The following SPAST variants were observed in gnomAD, a reference collection of about 807,000 sequenced individuals.
SPAST encodes spastic paraplegia 4 (autosomal dominant; spastin).
In SPAST, 30 loss-of-function variants were observed where a neutral mutation model predicts 76.6. The ratio of observed to expected loss-of-function variants is 0.39; its 90% confidence interval spans 0.29 to 0.53. The LOEUF is 0.53. Ranked by LOEUF, SPAST falls within the 20% of genes least tolerant of loss-of-function variation. The pLI, the probability that SPAST is intolerant of heterozygous loss-of-function variation, is 0.68. For synonymous variants in SPAST, 305 were observed against 281.0 expected (o/e 1.09, Z -0.86); for missense variants, 717 against 770.5 (o/e 0.93, Z 0.82).
intron 4 of SPAST, among the ~76,000 whole-genome samples, chr2:32,105,338 T>C (rs1337272334): frequency 6.6e-6 from 1 of 152,218 alleles, no homozygotes; most frequent in African/African-American, 2.4e-5. Context: ...CTGTTTATTC[T>C]AGTTAGCCAT....
chr2:32,152,731 T>TG (rs903279485), intron 16 of SPAST, among the ~76,000 whole-genome samples: 1 of 150,658 alleles, frequency 6.6e-6, no homozygotes, highest in Non-Finnish European at 1.5e-5. Flanking sequence ...TTTTCTTTGG[T>TG]GGGGGGTTGC....
chr2:32,079,003 A>AATTTTT (rs1677089495), intron 1 of SPAST, among the ~76,000 whole-genome samples: 1 of 151,948 alleles, frequency 6.6e-6, no homozygotes, highest in Admixed American at 6.6e-5. Flanking sequence ...ACGCCCGGCT[A>AATTTTT]ATTTTTATTT....
chr2:32,094,005 A>G (rs1172429986), intron 3 of SPAST, among the ~76,000 whole-genome samples: 1 of 152,184 alleles, frequency 6.6e-6, no homozygotes, highest in Non-Finnish European at 1.5e-5. Flanking sequence ...ACCAGTCAGT[A>G]TTAGGAATTC....
chr2:32,083,762 A>ATTTTTT (rs1677350861), intron 1 of SPAST, among the ~76,000 whole-genome samples: 1 of 43,018 alleles, frequency 2.3e-5, no homozygotes, highest in East Asian at 5.9e-4. Context: ...ATATATATAT[A>ATTTTTT]TATATATATA....
In SPAST at chr2:32,143,317, A is replaced by T; in HGVS notation, c.1537-19A>T. Reference sequence around the variant, plus strand: ...AATTCTGAAATTAGACTGAATGATCATTTTTTAATATTTTTCAGACAAGAC... The same window carrying T: ...AATTCTGAAATTAGACTGAATGATCTTTTTTTAATATTTTTCAGACAAGAC... On this transcript the variant is annotated intron_variant, in intron 13 of 16. Coordinates refer to ENST00000315285, the MANE Select transcript of SPAST (RefSeq NM_014946.4). The T allele has an allele frequency of 7.4e-7, 1 of 1,353,262 alleles. No homozygotes were observed. The highest frequency in any genetic ancestry group is 1.1e-6 in the Non-Finnish European group (1 of 945,878). 83.8% of individuals were successfully genotyped at this position (1,353,262 alleles called of 1,614,324 possible).
At position 32,137,305 on chromosome 2, in the gene SPAST, C is replaced by T. The variant is rs574277245; in HGVS notation, c.1493+117C>T. On this transcript the variant is annotated intron_variant, in intron 12 of 16. Transcript: ENST00000315285. ...TAAGACTAAATTCACTATTTTCTTC[C>T]AGTACTATCTCTAGCCTCTTGTTAC... 31 of 867,494 alleles carry T rather than the reference C, an allele frequency of 3.6e-5. No homozygotes were observed. In the Admixed American group the frequency reaches 4.0e-4, roughly 11 times the overall value. 53.7% of individuals were successfully genotyped at this position (867,494 alleles called of 1,614,324 possible).
intron 4 of SPAST, among the ~76,000 whole-genome samples, chr2:32,099,891 A>G (rs1678055338): frequency 6.6e-6 from 1 of 152,030 alleles, no homozygotes; most frequent in Non-Finnish European, 1.5e-5. Flanking sequence ...TATATACCAC[A>G]TTTTCTTTAT....
chr2:32,144,155 C>CT (rs1270667639), intron 14 of SPAST, among the ~76,000 whole-genome samples: 3 of 152,112 alleles, frequency 2.0e-5, no homozygotes, highest in African/African-American at 7.2e-5. Flanking sequence ...AACAAGAACT[C>CT]TGAGTTCCCA....
intron 3 of SPAST, among the ~76,000 whole-genome samples, chr2:32,094,595 G>A (rs1426386689): frequency 6.6e-6 from 1 of 152,218 alleles, no homozygotes; most frequent in African/African-American, 2.4e-5. Context: ...GAGAGGGATT[G>A]TCACAACACG....
chr2:32,124,623 CA>C (rs1461216849), intron 7 of SPAST, among the ~76,000 whole-genome samples: 2 of 151,842 alleles, frequency 1.3e-5, no homozygotes, highest in Non-Finnish European at 2.9e-5. Context: ...TCATAGTTGC[CA>C]AAACTTGGAA....
chr2:32,110,846 A>G (rs1471897703), intron 4 of SPAST, among the ~76,000 whole-genome samples: 1 of 111,992 alleles, frequency 8.9e-6, no homozygotes, highest in South Asian at 3.0e-4. Context: ...TATACTATAT[A>G]GTATATAGAG....
chr2:32,068,546 A>G (rs1314241833), intron 1 of SPAST, among the ~76,000 whole-genome samples: 1 of 148,480 alleles, frequency 6.7e-6, no homozygotes, highest in South Asian at 2.1e-4. Flanking sequence ...CTGTTCTCGA[A>G]CTCCTGGCCT....
intron 4 of SPAST, among the ~76,000 whole-genome samples, chr2:32,101,158 T>A (rs2148719608): frequency 6.6e-6 from 1 of 152,186 alleles, no homozygotes. Context: ...CCATTCTAAC[T>A]GGTGTGAGAC....
chr2:32,148,672 G>C (rs754052287), intron 16 of SPAST, among the ~76,000 whole-genome samples: 2 of 152,094 alleles, frequency 1.3e-5, no homozygotes, highest in East Asian at 1.9e-4. Context: ...TTACCGGGGC[G>C]TGGTGGCGGG....
Position 32,108,758 on chromosome 2 carries a change from C to CTTTTTTTT in SPAST, c.683-5862_683-5855dup, listed in dbSNP as rs71407413. 7.4e-4 allele frequency among the ~76,000 whole-genome samples: 55 copies of CTTTTTTTT among 73,900 alleles called. 1 individual carries two copies. The highest frequency in any genetic ancestry group is 1.1e-3 in the East Asian group (2 of 1,848). The allele number at this position is 73,900 out of a possible 152,430, so 48.5% of individuals were successfully genotyped here. A position where few individuals can be genotyped will look rare whatever the true frequency, so the allele number is the denominator to read the frequency against. ...GAGCTACTGTGCCTGGCTGGTATAG[C>CTTTTTTTT]TTTTTTTTTTTTTTTTTTTTTTTTT... On this transcript the variant is annotated intron_variant, in intron 4 of 16. Transcript: ENST00000315285.
intron 7 of SPAST, among the ~76,000 whole-genome samples, chr2:32,125,287 G>C (rs978046441): frequency 6.6e-6 from 1 of 151,822 alleles, no homozygotes; most frequent in Admixed American, 6.6e-5. Flanking sequence ...ACAATGGCAC[G>C]ATCTCGGCTC....
chr2:32,091,635 A>G (rs925131684), intron 3 of SPAST, among the ~76,000 whole-genome samples: 1 of 150,722 alleles, frequency 6.6e-6, no homozygotes, highest in African/African-American at 2.4e-5. Flanking sequence ...GATTGAGACC[A>G]TCCTGGCTAA....
chr2:32,144,930 T>G lies in SPAST; in HGVS notation c.1617-7T>G, dbSNP rs755770404. ...ATAATTTGCTGTTTCTTCCTTCCCT[T>G]CCTCAGAATGACTGATGGATACTCA... On this transcript the variant is annotated splice_region_variant and splice_polypyrimidine_tract_variant and intron_variant, in intron 14 of 16. Coordinates refer to ENST00000315285, the MANE Select transcript of SPAST (RefSeq NM_014946.4). The G allele has an allele frequency of 6.2e-7, 1 of 1,608,844 alleles. No homozygotes were observed. Among genetic ancestry groups the G allele is most frequent in the South Asian group, 1.1e-5 (1 of 90,438 alleles).
intron 4 of SPAST, among the ~76,000 whole-genome samples, chr2:32,112,974 C>T (rs1678673485): frequency 6.6e-6 from 1 of 151,910 alleles, no homozygotes; most frequent in Admixed American, 6.6e-5. Context: ...CATTTACAAA[C>T]CTGTAATATA....
Sources: allele counts gnomAD v4.1 joint callset (sites outside exome capture counted in the v4.1 genomes callset), GRCh38; gene constraint gnomAD v4.1.1; transcripts MANE v1.5; gene names NCBI Gene and HGNC (gene_info 2026-07-23, HGNC 2026-07-21).